Variants in GOLGA4 observed in about 807,000 individuals in gnomAD.
GOLGA4 encodes golgin A4, also known as golgin subfamily A member 4.
GOLGA4 carries 169 observed loss-of-function variants against 265.9 expected under a neutral mutation model. The ratio of observed to expected loss-of-function variants is 0.64; its 90% CI spans 0.56 to 0.72. GOLGA4 has a LOEUF of 0.72. Among genes scored for constraint, GOLGA4 ranks in the 30% least tolerant of loss-of-function variants. The probability of loss-of-function intolerance (pLI) is 0.00; values close to 1 mark genes in which losing one functional copy is unlikely to be tolerated. For synonymous variants in GOLGA4, 923 were observed against 855.8 expected (o/e 1.08, Z -1.37); for missense variants, 2,482 against 2,483.4 (o/e 1.00, Z 0.01).
intron 12 of GOLGA4, among the ~76,000 whole-genome samples, chr3:37,321,264 T>A (rs1205071377): frequency 6.6e-6 from 1 of 152,208 alleles, no homozygotes; most frequent in Admixed American, 6.5e-5. Context: ...GATATTGTCT[T>A]GATCTTCCCC....
In GOLGA4 at chr3:37,275,953, C is replaced by T. The variant is rs537011269; in HGVS notation, c.163-6005C>T. On this transcript the variant is annotated intron_variant, in intron 2 of 23. Coordinates refer to ENST00000361924, the MANE Select transcript of GOLGA4 (RefSeq NM_002078.5). ...GGCCATCAACTGAGAAAGACCTTGA[C>T]GAAAAGAAGAAAGAACCTGCAATTA... 1.5e-4 allele frequency: 240 copies of T among 1,613,406 alleles called. 3 individuals are homozygous for T. The South Asian group carries it at 2.2e-3, about 15-fold the overall frequency.
rs190988406 is a variant in GOLGA4 at position 37,284,650 on chromosome 3, A to T, written c.478-1364A>T. 3.3e-3 allele frequency among the ~76,000 whole-genome samples: 478 copies of T among 143,754 alleles called. 1 individual carries two copies. The highest frequency in any genetic ancestry group is 0.015 in the Middle Eastern group (4 of 268). The allele number at this position is 143,754 out of a possible 152,430, so 94.3% of individuals were successfully genotyped here. On this transcript the variant is annotated intron_variant, in intron 3 of 23. Coordinates refer to ENST00000361924, the MANE Select transcript of GOLGA4 (RefSeq NM_002078.5). ...TTTTATATTCTTTGTTGCTAGACTC[A>T]CCTTCCATTGCTGCTTTTTTTTTTT...
At position 37,324,477 on chromosome 3, in the gene GOLGA4, A is replaced by G. The variant is rs139536585; in HGVS notation, c.2591A>G (p.Gln864Arg). 1,235 of 1,614,010 alleles carry G rather than the reference A, an allele frequency of 7.7e-4. 1 individual carries two copies. The highest frequency in any genetic ancestry group is 1.0e-3 in the Non-Finnish European group (1,179 of 1,179,962). ...TELDAHKIQV[Q>R]DLMQQLEKQN... ...TTAGATGCTCACAAAATCCAGGTGCAGGACTTAATGCAGCAACTTGAAAAA... is the reference window on the plus strand; with the variant it reads ...TTAGATGCTCACAAAATCCAGGTGCGGGACTTAATGCAGCAACTTGAAAAA... The change falls in exon 14 of 24, where the codon CAG (glutamine) becomes CGG (arginine). Residue 864 changes from glutamine to arginine, a missense_variant. Around this residue, in one of 3 missense-constraint regions of GOLGA4, gnomAD observed 1,536 missense variants for 1,483.7 expected, o/e 1.04. Coordinates refer to ENST00000361924, the MANE Select transcript of GOLGA4 (RefSeq NM_002078.5).
intron 12 of GOLGA4, 155 bp from the exon 13 acceptor site, chr3:37,321,576 C>T: frequency 1.6e-6 from 1 of 633,802 alleles, no homozygotes; most frequent in Non-Finnish European, 2.7e-6. Flanking sequence ...TGCCTTGTTT[C>T]TGCAGACTAG....
At position 37,298,989 on chromosome 3, in the gene GOLGA4, A is replaced by G; in HGVS notation, c.971A>G (p.Asp324Gly). The stretch of plus-strand genomic sequence containing the variant: ...AAAGAAGCTCTGCAAGAACAACTGG[A>G]TGAAAGACTTCAAGAACTAGAAAAG... The part of the protein sequence containing the change: ...SEKEALQEQL[D>G]ERLQELEKIK... The change falls in exon 8 of 24, where the codon GAT becomes GGT. Residue 324 changes from aspartate (D) to glycine (G), a missense_variant. By Grantham distance (94) the Asp-to-Gly change is moderately conservative. This residue lies in a region of GOLGA4 where 1,536 missense variants were observed against 1,483.7 expected (regional missense o/e 1.04). Transcript: ENST00000361924. 1 of 1,596,076 alleles carries G rather than the reference A, an allele frequency of 6.3e-7. No homozygotes were observed. Among genetic ancestry groups the G allele is most frequent in the Middle Eastern group, 1.7e-4 (1 of 5,944 alleles).
chr3:37,266,639 G>A (rs958081004), intron 2 of GOLGA4, among the ~76,000 whole-genome samples: 2 of 152,132 alleles, frequency 1.3e-5, no homozygotes, highest in Admixed American at 6.5e-5. Flanking sequence ...AACTGATCAC[G>A]CATCTCCATT....
At chr3:37,332,825 T>C (rs1386729104) in intron 16 of GOLGA4, among the ~76,000 whole-genome samples, 1 of 152,206 alleles carries the variant, frequency 6.6e-6, no homozygotes, top group African/African-American at 2.4e-5. Context: ...TGAATATACT[T>C]TTCTATGTCG....
chr3:37,339,597 A>G (rs2097026109), intron 19 of GOLGA4, among the ~76,000 whole-genome samples: 1 of 152,222 alleles, frequency 6.6e-6, no homozygotes, highest in South Asian at 2.1e-4. Flanking sequence ...ATGAAGTGAT[A>G]CCTCGTTGTG....
intron 3 of GOLGA4, among the ~76,000 whole-genome samples, 198 bp downstream of exon 3, chr3:37,282,470 G>T (rs1402667584): frequency 6.6e-6 from 1 of 152,138 alleles, no homozygotes; most frequent in Non-Finnish European, 1.5e-5. Flanking sequence ...GAGGCCCTTT[G>T]GCAAGACTCA....
chr3:37,321,157 C>T (rs1263181441), intron 12 of GOLGA4, among the ~76,000 whole-genome samples: 3 of 152,150 alleles, frequency 2.0e-5, no homozygotes, highest in Non-Finnish European at 4.4e-5. Flanking sequence ...TCTTAAAACA[C>T]TAAACACTTT....
At position 37,326,944 on chromosome 3, in the gene GOLGA4, G is replaced by A. The variant is rs2096973149; in HGVS notation, c.5058G>A (p.Arg1686=). ...ELNTKLQERE[R]EVHILEEKLK... is the part of the protein sequence containing the mutation. ...ATACAAAATTGCAGGAAAGAGAAAG[G>A]GAAGTTCACATCTTGGAAGAAAAAC... Residue 1686 remains arginine (R), a synonymous_variant, in exon 14 of 24, where the codon AGG becomes AGA. Transcript: ENST00000361924. The A allele has an allele frequency of 1.2e-6, 2 of 1,613,882 alleles. No homozygotes were observed. The highest frequency in any genetic ancestry group is 2.2e-5 in the South Asian group (2 of 91,050).
chr3:37,313,592 G>A (rs1174375957), intron 10 of GOLGA4: 4 of 152,138 alleles, frequency 2.6e-5, no homozygotes, highest in African/African-American at 9.7e-5. Flanking sequence ...GAAGGCTGGA[G>A]ACTTCTGTGA....
At chr3:37,243,676 C>T (rs949689527) in intron 1 of GOLGA4, 54 bp downstream of exon 1, 17 of 1,448,246 alleles carry the variant, frequency 1.2e-5, no homozygotes, top group Admixed American at 3.6e-5. Context: ...TGAACCGGCC[C>T]GCGGACGAAA....
chr3:37,250,709 G>A (rs147858124), intron 1 of GOLGA4: 2 of 152,140 alleles, frequency 1.3e-5, no homozygotes, highest in Admixed American at 6.5e-5. Context: ...TATACTTTTA[G>A]GGTTGTTTTT....
chr3:37,361,463 G>A (rs577498938), intron 23 of GOLGA4, among the ~76,000 whole-genome samples, 158 bp downstream of exon 23: 5 of 152,166 alleles, frequency 3.3e-5, no homozygotes, highest in South Asian at 4.2e-4. Context: ...TATATGGATC[G>A]ATAATAGTTA....
At chr3:37,284,664 CTTTT>C (rs75537927) in intron 3 of GOLGA4, among the ~76,000 whole-genome samples, 3 of 133,542 alleles carry the variant, frequency 2.2e-5, no homozygotes, top group Admixed American at 7.5e-5. Context: ...TCCATTGCTG[CTTTT>C]TTTTTTTTTT....
chr3:37,333,316 T>TA (rs1427564851), intron 16 of GOLGA4, among the ~76,000 whole-genome samples: 6 of 152,236 alleles, frequency 3.9e-5, no homozygotes, highest in African/African-American at 1.4e-4. Context: ...CATAACCTGT[T>TA]ATGTATATAC....
Position 37,333,026 on chromosome 3 carries a change from G to T in GOLGA4, c.6193-2027G>T, listed in dbSNP as rs79142760. Among the ~76,000 whole-genome samples the T allele has an allele frequency of 8.1e-4, 123 of 152,260 alleles. 1 individual carries two copies. The highest frequency in any genetic ancestry group is 7.6e-3 in the Admixed American group (117 of 15,304). On this transcript the variant is annotated intron_variant, in intron 16 of 23. Transcript: ENST00000361924. ...CTGGAGATTTTGTTCTTCTCTAGTCGTGAGAATCTGGCCCAGTGCCTGGCA... is the reference window on the plus strand; with the variant it reads ...CTGGAGATTTTGTTCTTCTCTAGTCTTGAGAATCTGGCCCAGTGCCTGGCA...
chr3:37,346,608 G>A (rs1435117988), intron 20 of GOLGA4, among the ~76,000 whole-genome samples: 2 of 152,108 alleles, frequency 1.3e-5, no homozygotes, highest in African/African-American at 4.8e-5. Flanking sequence ...TATAAACAGT[G>A]TAAGTAAACA....
Sources: allele counts gnomAD v4.1 joint callset (sites outside exome capture counted in the v4.1 genomes callset), GRCh38; gene constraint gnomAD v4.1.1; regional missense constraint gnomAD v4.1.1; transcripts MANE v1.5; gene names NCBI Gene and HGNC (gene_info 2026-07-23, HGNC 2026-07-21).